The following PTPRE variants were observed in gnomAD, a reference collection of about 807,000 sequenced individuals.
PTPRE encodes the protein receptor-type tyrosine-protein phosphatase epsilon.
Under a neutral mutation model 102.0 loss-of-function variants are expected in PTPRE, and 51 were observed. That is an observed-to-expected ratio of 0.50 (90% CI 0.40 to 0.63). The LOEUF (loss-of-function observed/expected upper bound fraction) is 0.63. PTPRE is among the 30% of genes least tolerant of loss of function. The probability of loss-of-function intolerance (pLI) is 0.00; values close to 1 mark genes in which losing one functional copy is unlikely to be tolerated. For synonymous variants in PTPRE, 345 were observed against 348.2 expected (o/e 0.99, Z 0.10); for missense variants, 752 against 915.1 (o/e 0.82, Z 2.30).
chr10:128,037,196 C>T (rs772293553), intron 2 of PTPRE, among the ~76,000 whole-genome samples: 1 of 152,176 alleles, frequency 6.6e-6, no homozygotes, highest in Non-Finnish European at 1.5e-5. Context: ...GAGGACCTAC[C>T]CAATTCCTCT....
intron 11 of PTPRE, 37 bp from the exon 12 acceptor site, chr10:128,068,086 T>A (rs1482304189): frequency 6.3e-7 from 1 of 1,585,338 alleles, no homozygotes; most frequent in South Asian, 1.1e-5. Context: ...GGGGGAGGAT[T>A]GTTTCACCCA....
intron 7 of PTPRE, among the ~76,000 whole-genome samples, chr10:128,058,369 C>T (rs2135927063): frequency 6.6e-6 from 1 of 152,358 alleles, no homozygotes. Flanking sequence ...TTCCTCCAAG[C>T]CTGAAAGTGT....
chr10:128,055,169 G>A (rs947779490), intron 6 of PTPRE, among the ~76,000 whole-genome samples: 13 of 152,192 alleles, frequency 8.5e-5, no homozygotes, highest in Admixed American at 4.6e-4. Flanking sequence ...GTGGCCCCGG[G>A]TCCAGCCGCT....
At chr10:128,058,183 C>T (rs1233090585) in intron 7 of PTPRE, among the ~76,000 whole-genome samples, 3 of 152,214 alleles carry the variant, frequency 2.0e-5, no homozygotes, top group African/African-American at 7.2e-5. Context: ...GTGGGCATTA[C>T]CTACACCCAG....
intron 2 of PTPRE, among the ~76,000 whole-genome samples, chr10:127,983,760 C>T (rs1851834662): frequency 6.6e-6 from 1 of 152,160 alleles, no homozygotes; most frequent in Non-Finnish European, 1.5e-5. Flanking sequence ...CTCCGCACCC[C>T]ATTTTGCCTT....
At chr10:128,016,774 C>T (rs897921757) in intron 2 of PTPRE, among the ~76,000 whole-genome samples, 2 of 152,194 alleles carry the variant, frequency 1.3e-5, no homozygotes, top group Admixed American at 1.3e-4. Context: ...GTATGACTTG[C>T]CTTTTCACAC....
chr10:127,969,896 A>C (rs1850582672), intron 1 of PTPRE, among the ~76,000 whole-genome samples: 1 of 150,780 alleles, frequency 6.6e-6, no homozygotes, highest in Admixed American at 6.6e-5. Flanking sequence ...TTTGCTCCTC[A>C]GGCTGCTGGC....
Position 128,079,620 on chromosome 10 carries a change from A to G in PTPRE, c.1953A>G (p.Lys651=), listed in dbSNP as rs531320826. 256 of 1,614,186 alleles carry G rather than the reference A, an allele frequency of 1.6e-4. No individual in the cohort carries two copies. In the Middle Eastern group the frequency reaches 2.0e-3, roughly 12 times the overall value. Residue 651 remains lysine (K), a synonymous_variant, in exon 20 of 21, where the codon AAA becomes AAG. Coordinates refer to ENST00000254667, the MANE Select transcript of PTPRE (RefSeq NM_006504.6). The part of the protein sequence containing the change: ...IALSNILERV[K]AEGLLDVFQA... ...TCAGCAACATTTTGGAGCGAGTAAAAGCCGAGGGACTTTTAGATGTATTTC... is the reference window on the plus strand; with the variant it reads ...TCAGCAACATTTTGGAGCGAGTAAAGGCCGAGGGACTTTTAGATGTATTTC...
intron 2 of PTPRE, among the ~76,000 whole-genome samples, chr10:128,007,725 C>T (rs960156092): frequency 6.6e-6 from 1 of 152,198 alleles, no homozygotes; most frequent in Non-Finnish European, 1.5e-5. Context: ...CTCTCTGATC[C>T]TCAGTGTGCA....
chr10:127,940,328 A>G (rs1848150995), intron 1 of PTPRE, among the ~76,000 whole-genome samples: 1 of 152,116 alleles, frequency 6.6e-6, no homozygotes, highest in Admixed American at 6.5e-5. Context: ...TAGCCCAGTG[A>G]ATGAGGGTTC....
chr10:127,958,819 G>A, intron 1 of PTPRE, among the ~76,000 whole-genome samples: 1 of 150,790 alleles, frequency 6.6e-6, no homozygotes, highest in East Asian at 1.9e-4. Flanking sequence ...TCTGTGCCTG[G>A]TCCTTTCTGT....
rs759685897 is a variant in PTPRE, at chr10:128,008,314, A to G, written c.-8+26018A>G. Reference sequence around the variant, plus strand: ...GCCTTTGCAGCCTCAGGGCATTCACACTGCACCTCTGGCCTCCTCCTGGAG... The same window carrying G: ...GCCTTTGCAGCCTCAGGGCATTCACGCTGCACCTCTGGCCTCCTCCTGGAG... On this transcript the variant is annotated intron_variant, in intron 2 of 20. Transcript: ENST00000254667. The surrounding 1 kb of genome is among the most constrained non-coding windows in gnomAD (Gnocchi z 4.0). Among the ~76,000 whole-genome samples, 377 of 140,450 alleles carry G rather than the reference A, an allele frequency of 2.7e-3. 5 individuals are homozygous for G. Among genetic ancestry groups the G allele is most frequent in the Middle Eastern group, 0.022 (6 of 276 alleles). 92.1% of individuals were successfully genotyped at this position (140,450 alleles called of 152,430 possible). A position where few individuals can be genotyped will look rare whatever the true frequency, so the allele number is the denominator to read the frequency against.
At chr10:128,071,856 C>T in intron 15 of PTPRE, 3 of 303,420 alleles carry the variant, frequency 9.9e-6, no homozygotes, top group Non-Finnish European at 1.8e-5. Context: ...TCCATTTACT[C>T]CTTCAGCGCA....
chr10:128,047,748 A>G lies in PTPRE; in HGVS notation c.210-16A>G. 1.2e-6 allele frequency: 2 copies of G among 1,612,072 alleles called. No homozygotes were observed. Among genetic ancestry groups the G allele is most frequent in the Non-Finnish European group, 1.7e-6 (2 of 1,178,284 alleles). On this transcript the variant is annotated splice_polypyrimidine_tract_variant and intron_variant, in intron 4 of 20. Transcript: ENST00000254667. The stretch of plus-strand genomic sequence containing the variant: ...ACCTAGAAGTGTGGAAACCTAACGC[A>G]TCCTGTGTCTCTAAGGTTCAGGAAG...
chr10:128,029,150 C>T (rs1018118417), intron 2 of PTPRE, among the ~76,000 whole-genome samples: 1 of 152,204 alleles, frequency 6.6e-6, no homozygotes, highest in Non-Finnish European at 1.5e-5. Flanking sequence ...GCACGTGAGT[C>T]ATCAGATGCC....
chr10:128,047,697 T>A, intron 4 of PTPRE, 67 bp from the exon 5 acceptor site: 1 of 1,613,994 alleles, frequency 6.2e-7, no homozygotes, highest in South Asian at 1.1e-5. Context: ...GGTATCACTG[T>A]GCCGAGCGCT....
At position 128,047,857 on chromosome 10, in the gene PTPRE, G is replaced by T; in HGVS notation, c.283+20G>T. 3 of 1,560,724 alleles carry T rather than the reference G, an allele frequency of 1.9e-6. No individual in the cohort carries two copies. Among genetic ancestry groups the T allele is most frequent in the Non-Finnish European group, 2.6e-6 (3 of 1,148,354 alleles). Reference sequence around the variant, plus strand: ...AGCAAGGTACAGAAGCTGCTCTCTGGCTGGGGCTTGGGGGAAAATGTGTTC... The same window carrying T: ...AGCAAGGTACAGAAGCTGCTCTCTGTCTGGGGCTTGGGGGAAAATGTGTTC... On this transcript the variant is annotated intron_variant, in intron 5 of 20. Coordinates refer to ENST00000254667, the MANE Select transcript of PTPRE (RefSeq NM_006504.6).
chr10:127,983,947 C>T (rs182015903), intron 2 of PTPRE, among the ~76,000 whole-genome samples: 132 of 152,300 alleles, frequency 8.7e-4, no homozygotes, highest in Non-Finnish European at 1.5e-3. Flanking sequence ...CCGAAGGTCA[C>T]TGAACGTGTG....
Position 128,047,503 on chromosome 10 carries a change from G to T in PTPRE, c.209+14G>T. 1 of 1,612,992 alleles carries T rather than the reference G, an allele frequency of 6.2e-7. No homozygotes were observed. The highest frequency in any genetic ancestry group is 8.5e-7 in the Non-Finnish European group (1 of 1,179,972). ...CTACTTCTTCAGGTAGGAGTGTCCC[G>T]GGGCACTGACTTGCCCCAACCAGCT... On this transcript the variant is annotated intron_variant, in intron 4 of 20. Transcript: ENST00000254667.
Sources: gnomAD v4.1 joint callset for allele counts (sites outside exome capture counted in the v4.1 genomes callset) on GRCh38, gnomAD v4.1.1 for gene constraint, Gnocchi (gnomAD v3.1) non-coding constraint, MANE v1.5 for transcripts, NCBI Gene and HGNC (gene_info 2026-07-23, HGNC 2026-07-21) for gene names.